The following CMSS1 variants were observed in gnomAD, a reference collection of about 807,000 sequenced individuals.
CMSS1 encodes cms1 ribosomal small subunit homolog.
In CMSS1, 33 loss-of-function variants were observed where a neutral mutation model predicts 43.5. The ratio of observed to expected loss-of-function variants is 0.76; its 90% confidence interval spans 0.57 to 1.01. The LOEUF (loss-of-function observed/expected upper bound fraction) is 1.01. Ranked by LOEUF, CMSS1 falls within the 50% of genes least tolerant of loss-of-function variation. The pLI is 0.00. For synonymous variants in CMSS1, 115 were observed against 117.2 expected (o/e 0.98, Z 0.12); for missense variants, 313 against 326.4 (o/e 0.96, Z 0.32).
At chr3:99,996,757 TACTC>T (rs1311131378) in intron 1 of CMSS1, among the ~76,000 whole-genome samples, 1 of 151,924 alleles carries the variant, frequency 6.6e-6, no homozygotes, top group Non-Finnish European at 1.5e-5. Flanking sequence ...TCGTGAGACT[TACTC>T]ACTACCATGA....
At chr3:100,095,947 A>G (rs1047910215) in intron 1 of CMSS1, among the ~76,000 whole-genome samples, 1 of 152,204 alleles carries the variant, frequency 6.6e-6, no homozygotes, top group South Asian at 2.1e-4. Flanking sequence ...AATCCAATTT[A>G]AAAAATAGGC....
At chr3:100,016,109 C>T (rs916790755) in intron 1 of CMSS1, among the ~76,000 whole-genome samples, 1 of 152,028 alleles carries the variant, frequency 6.6e-6, no homozygotes, top group African/African-American at 2.4e-5. Flanking sequence ...CCTTGCAGGC[C>T]GTTTTGTGGA....
intron 1 of CMSS1, among the ~76,000 whole-genome samples, chr3:100,035,790 C>T (rs140633410): frequency 6.0e-4 from 91 of 152,304 alleles, no homozygotes; most frequent in Admixed American, 1.9e-3. Context: ...GTGCTCATCA[C>T]GAGCTATAGC....
intron 1 of CMSS1, among the ~76,000 whole-genome samples, chr3:99,832,231 C>CTTTT (rs577849748): frequency 1.4e-5 from 2 of 138,160 alleles, no homozygotes; most frequent in Non-Finnish European, 3.2e-5. Context: ...ATTCCTAAAT[C>CTTTT]TTTTTTTTTT....
intron 1 of CMSS1, among the ~76,000 whole-genome samples, chr3:100,049,161 T>C (rs2065328100): frequency 6.6e-6 from 1 of 152,256 alleles, no homozygotes; most frequent in South Asian, 2.1e-4. Flanking sequence ...CTCTCCTTAC[T>C]ATTTGAAGTT....
intron 1 of CMSS1, among the ~76,000 whole-genome samples, chr3:99,995,239 G>C (rs1027879317): frequency 6.6e-6 from 1 of 152,044 alleles, no homozygotes; most frequent in African/African-American, 2.4e-5. Context: ...CAAAACAAAG[G>C]GGCTACGGGG....
At chr3:99,859,508 C>T (rs1049358694) in intron 1 of CMSS1, among the ~76,000 whole-genome samples, 6 of 152,108 alleles carry the variant, frequency 3.9e-5, no homozygotes, top group African/African-American at 9.7e-5. Context: ...ACTTTTTCTT[C>T]CTGATTTAAT....
chr3:100,175,714 C>T (rs1475275079), intron 8 of CMSS1, among the ~76,000 whole-genome samples: 1 of 152,176 alleles, frequency 6.6e-6, no homozygotes. Flanking sequence ...CTATGCCCAA[C>T]TGTGAGACAT....
chr3:100,112,020 C>T (rs916646780), intron 1 of CMSS1, among the ~76,000 whole-genome samples: 1 of 152,106 alleles, frequency 6.6e-6, no homozygotes, highest in Non-Finnish European at 1.5e-5. Context: ...TCCCAATAAC[C>T]AGCACGGGGC....
At chr3:99,944,061 C>T (rs895656809) in intron 1 of CMSS1, among the ~76,000 whole-genome samples, 2 of 152,200 alleles carry the variant, frequency 1.3e-5, no homozygotes, top group Admixed American at 6.5e-5. Flanking sequence ...CATGCCTTCC[C>T]TCTTAGAACA....
intron 1 of CMSS1, among the ~76,000 whole-genome samples, chr3:100,008,925 G>A (rs554738819): frequency 2.2e-4 from 34 of 152,260 alleles, no homozygotes; most frequent in Admixed American, 9.2e-4. Flanking sequence ...CAGAAACTTG[G>A]AACACCTATA....
intron 1 of CMSS1, among the ~76,000 whole-genome samples, chr3:100,059,459 G>C (rs1376153510): frequency 6.6e-6 from 1 of 152,136 alleles, no homozygotes; most frequent in Non-Finnish European, 1.5e-5. Flanking sequence ...CTTTCATTCA[G>C]GAAGCATTTT....
chr3:100,110,774 AC>A (rs1420029109), intron 1 of CMSS1, among the ~76,000 whole-genome samples: 1 of 151,980 alleles, frequency 6.6e-6, no homozygotes, highest in East Asian at 1.9e-4. Context: ...TTTTCCTCTT[AC>A]CCATGATAAA....
chr3:99,895,509 A>T (rs2107619458), intron 1 of CMSS1, among the ~76,000 whole-genome samples: 1 of 152,184 alleles, frequency 6.6e-6, no homozygotes, highest in Middle Eastern at 3.4e-3. Context: ...TTTGCAGAAG[A>T]GGCCAAGTTC....
intron 1 of CMSS1, among the ~76,000 whole-genome samples, chr3:99,903,693 G>A (rs1706517647): frequency 6.6e-6 from 1 of 152,124 alleles, no homozygotes; most frequent in East Asian, 1.9e-4. Flanking sequence ...CATCTTAACA[G>A]GACCCTACAC....
chr3:99,993,978 C>A (rs1437273690), intron 1 of CMSS1, among the ~76,000 whole-genome samples: 4 of 152,104 alleles, frequency 2.6e-5, no homozygotes, highest in Non-Finnish European at 4.4e-5. Context: ...GTGATACTGG[C>A]CTCATAGAAT....
At chr3:99,993,720 G>A (rs974259637) in intron 1 of CMSS1, among the ~76,000 whole-genome samples, 9 of 152,078 alleles carry the variant, frequency 5.9e-5, no homozygotes, top group Non-Finnish European at 1.3e-4. Context: ...CTTTTTCTGT[G>A]TATATTGAGA....
At chr3:99,941,962 A>C (rs1186842010) in intron 1 of CMSS1, among the ~76,000 whole-genome samples, 1 of 152,198 alleles carries the variant, frequency 6.6e-6, no homozygotes, top group Non-Finnish European at 1.5e-5. Context: ...GGAAATTTGA[A>C]TGTGAACTAT....
chr3:100,127,292 C>T (rs2066671318), intron 1 of CMSS1, among the ~76,000 whole-genome samples: 1 of 152,206 alleles, frequency 6.6e-6, no homozygotes, highest in Non-Finnish European at 1.5e-5. Context: ...CCTCATTCAT[C>T]TCTGTCCAGT....
Sources: gnomAD v4.1 joint callset for allele counts (sites outside exome capture counted in the v4.1 genomes callset) on GRCh38, gnomAD v4.1.1 for gene constraint, MANE v1.5 for transcripts, NCBI Gene and HGNC (gene_info 2026-07-23, HGNC 2026-07-21) for gene names.